The following RPP30 variants were observed in gnomAD, a reference collection of about 807,000 sequenced individuals.
The protein encoded by RPP30 is ribonuclease P/MRP subunit p30.
A neutral mutation model predicts 38.6 loss-of-function variants in RPP30; 36 were observed. The observed-to-expected ratio is 0.93, with a 90% confidence interval of 0.71 to 1.23. The LOEUF (loss-of-function observed/expected upper bound fraction) is 1.23. Among genes scored for constraint, RPP30 ranks in the 50% most tolerant of loss-of-function variants. The pLI is 0.00. For synonymous variants in RPP30, 126 were observed against 112.7 expected (o/e 1.12, Z -0.75); for missense variants, 321 against 321.7 (o/e 1.00, Z 0.02).
chr10:90,875,887 A>G (rs1002447019), intron 3 of RPP30, 137 bp from the exon 4 acceptor site: 13 of 628,444 alleles, frequency 2.1e-5, no homozygotes, highest in Non-Finnish European at 3.4e-5. Context: ...GTAAATTCCT[A>G]GAGAACAAGG....
chr10:90,904,319 A>G (rs947852673), downstream of RPP30, among the ~76,000 whole-genome samples: 3 of 152,224 alleles, frequency 2.0e-5, no homozygotes, highest in Admixed American at 2.0e-4. Flanking sequence ...ACAGCATACC[A>G]GTTAAGTGCA....
rs59418716 is a variant in RPP30 at position 90,901,140 on chromosome 10, ATTT to A, written c.*481_*483del. ...CAGGTGTGCACTACCACACCTGGCT[ATTT>A]TTTTTTTTTTTTTTTTTTTCCCTTG... On this transcript the variant is annotated 3_prime_UTR_variant, in exon 11 of 11. Coordinates refer to ENST00000371703, the MANE Select transcript of RPP30 (RefSeq NM_006413.5). 1.0e-3 allele frequency: 123 copies of A among 120,098 alleles called. No homozygotes were observed. The highest frequency in any genetic ancestry group is 1.7e-3 in the Non-Finnish European group (114 of 65,464). 7.4% of individuals were successfully genotyped at this position (120,098 alleles called of 1,614,324 possible). A position where few individuals can be genotyped will look rare whatever the true frequency, so the allele number is the denominator to read the frequency against.
chr10:90,904,163 GTAAT>G (rs1847230100), downstream of RPP30, among the ~76,000 whole-genome samples: 1 of 152,168 alleles, frequency 6.6e-6, no homozygotes, highest in Non-Finnish European at 1.5e-5. Context: ...CTCTAGTACT[GTAAT>G]TAAAACTAAT....
intron 1 of RPP30, among the ~76,000 whole-genome samples, chr10:90,874,322 C>T (rs762273125): frequency 1.3e-5 from 2 of 151,944 alleles, no homozygotes; most frequent in Non-Finnish European, 2.9e-5. Context: ...AAATGGGAAG[C>T]GGGCAGTGGT....
chr10:90,888,495 C>T lies in RPP30; in HGVS notation c.432+2594C>T, dbSNP rs561516631. On this transcript the variant is annotated intron_variant, in intron 6 of 10. Transcript: ENST00000371703. ...CTTTTTTAAGTACTCCACTATCTTG[C>T]GTATAATGAGTCCTCCTTACAGTTT... 4.6e-5 allele frequency among the ~76,000 whole-genome samples: 7 copies of T among 152,236 alleles called. No homozygotes were observed. The South Asian group carries it at 1.5e-3, about 32-fold the overall frequency.
At chr10:90,878,452 C>T (rs1385420443) in intron 4 of RPP30, among the ~76,000 whole-genome samples, 5 of 151,856 alleles carry the variant, frequency 3.3e-5, no homozygotes, top group African/African-American at 1.2e-4. Flanking sequence ...CATATACAGA[C>T]TCACACAATT....
chr10:90,875,382 C>G (rs1358451414), intron 2 of RPP30, among the ~76,000 whole-genome samples, 176 bp from the exon 3 acceptor site: 1 of 152,072 alleles, frequency 6.6e-6, no homozygotes, highest in Non-Finnish European at 1.5e-5. Context: ...AGTTGCTTCT[C>G]TATTTAGCTT....
chr10:90,904,350 T>C (rs1415390545), downstream of RPP30, among the ~76,000 whole-genome samples: 1 of 152,182 alleles, frequency 6.6e-6, no homozygotes, highest in Non-Finnish European at 1.5e-5. Flanking sequence ...AAAAACTAAA[T>C]GCATTTAAAG....
At chr10:90,878,076 T>C (rs11186343) in intron 4 of RPP30, among the ~76,000 whole-genome samples, 18,157 of 152,222 alleles carry the variant, frequency 0.12, 1,484 homozygotes, top group African/African-American at 0.23. Flanking sequence ...GAGCTGACTT[T>C]TGATAGGTTG....
At chr10:90,878,038 G>T (rs559124623) in intron 4 of RPP30, among the ~76,000 whole-genome samples, 1 of 152,208 alleles carries the variant, frequency 6.6e-6, no homozygotes, top group African/African-American at 2.4e-5. Flanking sequence ...CAGCATTCTG[G>T]TTCCTTAGGC....
In RPP30 at chr10:90,901,604, A is replaced by C; in HGVS notation, c.*925A>C. 2 of 985,108 alleles carry C rather than the reference A, an allele frequency of 2.0e-6. No homozygotes were observed. Among genetic ancestry groups the C allele is most frequent in the Non-Finnish European group, 2.4e-6 (2 of 829,652 alleles). 61.0% of individuals were successfully genotyped at this position (985,108 alleles called of 1,614,324 possible). On this transcript the variant is annotated 3_prime_UTR_variant, in exon 11 of 11. Coordinates refer to ENST00000371703, the MANE Select transcript of RPP30 (RefSeq NM_006413.5). ...TATTGATTTTCCTGATAGCTGTATT[A>C]AAAATAGCAAAGCATCGGACTGAAC...
downstream of RPP30, among the ~76,000 whole-genome samples, chr10:90,903,591 C>T (rs2120244948): frequency 6.6e-6 from 1 of 152,212 alleles, no homozygotes. Flanking sequence ...ATGTTTATGC[C>T]ATTGTTCATG....
intron 1 of RPP30, among the ~76,000 whole-genome samples, chr10:90,873,860 A>G (rs995477720): frequency 2.6e-5 from 4 of 151,810 alleles, no homozygotes; most frequent in African/African-American, 9.7e-5. Flanking sequence ...GCCTTTTGTG[A>G]CCCCTACACC....
intron 1 of RPP30, among the ~76,000 whole-genome samples, chr10:90,873,466 G>GC (rs1846809946): frequency 6.6e-6 from 1 of 152,160 alleles, no homozygotes; most frequent in South Asian, 2.1e-4. Flanking sequence ...GAAAGACAGA[G>GC]CCCTGGTTCT....
rs1017841671 is a variant in RPP30, at chr10:90,895,548, G to T, written c.579+65G>T. ...TTATAAAACTTTTCAGTTTCTAGGG[G>T]ATAAATTAAAATAGTAAATGAATAT... On this transcript the variant is annotated intron_variant, in intron 8 of 10. Transcript: ENST00000371703. 6.5e-5 allele frequency: 61 copies of T among 935,166 alleles called. No individual in the cohort carries two copies. The African/African-American group carries it at 9.8e-4, about 15-fold the overall frequency. 57.9% of individuals were successfully genotyped at this position (935,166 alleles called of 1,614,324 possible).
intron 10 of RPP30, among the ~76,000 whole-genome samples, chr10:90,898,553 G>A (rs1312258497): frequency 6.6e-6 from 1 of 152,130 alleles, no homozygotes; most frequent in Non-Finnish European, 1.5e-5. Context: ...CATTCTGAGT[G>A]CCACATTTAA....
rs1847188082 is a variant in RPP30, at chr10:90,900,556, T to C, written c.698-14T>C. On this transcript the variant is annotated splice_polypyrimidine_tract_variant and intron_variant, in intron 10 of 10. Transcript: ENST00000371703. ...TTAACTTCAAGCACAGTGGTTTCCC[T>C]GTTTGTTTTACAGAAACTAGAAAAA... 6.2e-7 allele frequency: 1 copy of C among 1,607,090 alleles called. No homozygotes were observed. Among genetic ancestry groups the C allele is most frequent in the African/African-American group, 1.3e-5 (1 of 74,670 alleles).
chr10:90,904,523 C>T (rs974884088), downstream of RPP30, among the ~76,000 whole-genome samples: 1 of 152,108 alleles, frequency 6.6e-6, no homozygotes, highest in Non-Finnish European at 1.5e-5. Context: ...ATAAAATGTA[C>T]CAACTACAGC....
In RPP30 at chr10:90,875,538, C is replaced by T; in HGVS notation, c.139-20C>T. 1 of 1,606,190 alleles carries T rather than the reference C, an allele frequency of 6.2e-7. No individual in the cohort carries two copies. The highest frequency in any genetic ancestry group is 8.5e-7 in the Non-Finnish European group (1 of 1,173,166). ...TATTAATGGATACAATCTGCAGTAA[C>T]TATTTATCGTTTGTTGTAGGAAATT... is the stretch of plus-strand genomic sequence containing the variant. On this transcript the variant is annotated intron_variant, in intron 2 of 10. Coordinates refer to ENST00000371703, the MANE Select transcript of RPP30 (RefSeq NM_006413.5).
Sources: gnomAD v4.1 joint callset for allele counts (sites outside exome capture counted in the v4.1 genomes callset) on GRCh38, gnomAD v4.1.1 for gene constraint, MANE v1.5 for transcripts, NCBI Gene and HGNC (gene_info 2026-07-23, HGNC 2026-07-21) for gene names.